The following GMDS variants were observed in gnomAD, a reference collection of about 807,000 sequenced individuals.
GMDS encodes GDP-mannose 4,6-dehydratase, also known as GDP-mannose 4,6 dehydratase.
A neutral mutation model predicts 49.9 loss-of-function variants in GMDS; 20 were observed. That is an observed-to-expected ratio of 0.40 (90% CI 0.28 to 0.58). GMDS has a LOEUF of 0.58. Ranked by LOEUF, GMDS falls within the 20% of genes least tolerant of loss-of-function variation. The pLI is 0.42. For synonymous variants in GMDS, 177 were observed against 178.6 expected (o/e 0.99, Z 0.07); for missense variants, 362 against 481.4 (o/e 0.75, Z 2.32).
At chr6:1,776,310 C>T (rs75046865) in intron 7 of GMDS, among the ~76,000 whole-genome samples, 1,672 of 152,278 alleles carry the variant, frequency 0.011, 23 homozygotes, top group African/African-American at 0.038. Context: ...TTTAAGATTT[C>T]GTTAAATCTA....
chr6:1,805,297 C>G (rs912341659), intron 7 of GMDS, among the ~76,000 whole-genome samples: 4 of 152,140 alleles, frequency 2.6e-5, no homozygotes, highest in Admixed American at 2.6e-4. Context: ...TACACTGTTT[C>G]TTTTCTGACC....
intron 9 of GMDS, among the ~76,000 whole-genome samples, chr6:1,683,860 T>A (rs1764879475): frequency 6.6e-6 from 1 of 152,216 alleles, no homozygotes; most frequent in South Asian, 2.1e-4. Context: ...GAAGTTTTTC[T>A]AAGTTGAGGC....
At chr6:1,936,470 G>A (rs570431491) in intron 6 of GMDS, among the ~76,000 whole-genome samples, 17 of 152,124 alleles carry the variant, frequency 1.1e-4, no homozygotes, top group Non-Finnish European at 2.4e-4. Context: ...TGGCCACAAG[G>A]CAAGGGAATA....
chr6:1,914,401 A>C (rs1165204656), intron 7 of GMDS, among the ~76,000 whole-genome samples: 6 of 150,134 alleles, frequency 4.0e-5, no homozygotes, highest in African/African-American at 1.5e-4. Flanking sequence ...CAGGAGGTGG[A>C]GCTTAAAGTG....
chr6:2,106,245 A>T (rs1368260045), intron 4 of GMDS, among the ~76,000 whole-genome samples: 1 of 152,232 alleles, frequency 6.6e-6, no homozygotes, highest in African/African-American at 2.4e-5. Flanking sequence ...AAGGTATCCA[A>T]TTAATGATTT....
rs1442602098 is a variant in GMDS, at chr6:1,852,616, GTGTCTT to G, written c.771+77481_771+77486del. ...AAAATTTAGCATTATGTTTTTCTTA[GTGTCTT>G]TTTTTTTCTCTTAATTTTGTTACTA... On this transcript the variant is annotated intron_variant, in intron 7 of 10. Transcript: ENST00000380815. Among the ~76,000 whole-genome samples, 13 of 151,866 alleles carry G rather than the reference GTGTCTT, an allele frequency of 8.6e-5. No homozygotes were observed. The South Asian group carries it at 2.7e-3, about 32-fold the overall frequency.
intron 1 of GMDS, among the ~76,000 whole-genome samples, chr6:2,164,826 G>A (rs552915453): frequency 1.3e-5 from 2 of 152,218 alleles, no homozygotes; most frequent in Non-Finnish European, 2.9e-5. Flanking sequence ...TTTATGTGGT[G>A]TTTGAGCTGG....
intron 1 of GMDS, among the ~76,000 whole-genome samples, chr6:2,140,883 T>C (rs532564517): frequency 1.3e-5 from 2 of 152,218 alleles, no homozygotes; most frequent in Non-Finnish European, 2.9e-5. Context: ...AGATAAAACA[T>C]GTCAGCAGCT....
chr6:1,975,627 T>A (rs939772762), intron 4 of GMDS, among the ~76,000 whole-genome samples: 1 of 152,232 alleles, frequency 6.6e-6, no homozygotes, highest in African/African-American at 2.4e-5. Context: ...AAGGCTCTAA[T>A]GTTTTTCCAG....
intron 4 of GMDS, among the ~76,000 whole-genome samples, chr6:2,009,304 CT>C (rs761236544): frequency 6.6e-6 from 1 of 152,174 alleles, no homozygotes; most frequent in African/African-American, 2.4e-5. Context: ...ATTTAGGTGA[CT>C]TTTTATACAG....
chr6:1,957,689 A>G (rs1231925827), intron 6 of GMDS, among the ~76,000 whole-genome samples: 1 of 152,200 alleles, frequency 6.6e-6, no homozygotes, highest in Non-Finnish European at 1.5e-5. Context: ...TTCTGAAGGA[A>G]TGTTAACAGT....
intron 7 of GMDS, among the ~76,000 whole-genome samples, chr6:1,842,903 T>C (rs1209854136): frequency 6.6e-6 from 1 of 151,984 alleles, no homozygotes; most frequent in Non-Finnish European, 1.5e-5. Flanking sequence ...TTGCTTGAGC[T>C]CAGGCATTCG....
chr6:1,812,882 G>A (rs951166473), intron 7 of GMDS, among the ~76,000 whole-genome samples: 1 of 152,288 alleles, frequency 6.6e-6, no homozygotes, highest in Admixed American at 6.5e-5. Context: ...ATTTTTGTTA[G>A]TGCTTTTATT....
At chr6:2,139,130 A>C (rs1776153291) in intron 1 of GMDS, among the ~76,000 whole-genome samples, 1 of 152,198 alleles carries the variant, frequency 6.6e-6, no homozygotes, top group Non-Finnish European at 1.5e-5. Flanking sequence ...AGGTACACTG[A>C]AATCTCAGAT....
chr6:2,101,956 G>T (rs1031881291), intron 4 of GMDS, among the ~76,000 whole-genome samples: 1 of 152,106 alleles, frequency 6.6e-6, no homozygotes, highest in Non-Finnish European at 1.5e-5. Context: ...TCAAACAACA[G>T]TGTGCGCTCT....
intron 6 of GMDS, among the ~76,000 whole-genome samples, chr6:1,946,591 C>T (rs1298116740): frequency 6.6e-6 from 1 of 152,166 alleles, no homozygotes; most frequent in Non-Finnish European, 1.5e-5. Flanking sequence ...GCACTTTACA[C>T]TTCTCAATAA....
At chr6:1,714,231 G>C (rs1052705871) in intron 9 of GMDS, among the ~76,000 whole-genome samples, 6 of 152,044 alleles carry the variant, frequency 3.9e-5, no homozygotes, top group African/African-American at 1.5e-4. Flanking sequence ...TGTTAGTCAG[G>C]ATGGTCTCGA....
intron 9 of GMDS, among the ~76,000 whole-genome samples, chr6:1,713,631 T>C (rs1393873996): frequency 6.6e-6 from 1 of 152,156 alleles, no homozygotes; most frequent in Non-Finnish European, 1.5e-5. Flanking sequence ...CACATACACG[T>C]ACGTGTGTTT....
chr6:2,154,499 A>C (rs1200115007), intron 1 of GMDS, among the ~76,000 whole-genome samples: 3 of 152,136 alleles, frequency 2.0e-5, no homozygotes, highest in Non-Finnish European at 4.4e-5. Context: ...TAAAATCTGT[A>C]ATTTGGATTT....
Sources: allele counts gnomAD v4.1 joint callset (sites outside exome capture counted in the v4.1 genomes callset), GRCh38; gene constraint gnomAD v4.1.1; transcripts MANE v1.5; gene names NCBI Gene and HGNC (gene_info 2026-07-23, HGNC 2026-07-21).